The following MYO3B variants were observed in gnomAD, a reference collection of about 807,000 sequenced individuals.
MYO3B encodes the protein myosin-IIIb.
In MYO3B, 156 loss-of-function variants were observed where a neutral mutation model predicts 174.6. The ratio of observed to expected loss-of-function variants is 0.89; its 90% CI spans 0.78 to 1.02. The LOEUF (loss-of-function observed/expected upper bound fraction) is 1.02, where lower values mean the gene tolerates loss of function less well. MYO3B is among the 50% of genes least tolerant of loss of function. The probability of loss-of-function intolerance (pLI) is 0.00; values close to 1 mark genes in which losing one functional copy is unlikely to be tolerated. For missense variants in MYO3B, 1,632 were observed against 1,639.4 expected, an observed-to-expected ratio of 1.00 and a Z score of 0.08; for synonymous variants, 563 against 569.1, an observed-to-expected ratio of 0.99 and a Z score of 0.15.
At chr2:170,233,052 T>G (rs2093031261) in intron 6 of MYO3B, among the ~76,000 whole-genome samples, 1 of 152,230 alleles carries the variant, frequency 6.6e-6, no homozygotes, top group African/African-American at 2.4e-5. Context: ...TTTAGATATG[T>G]TCTTAGAATT....
At chr2:170,526,986 A>G (rs571615393) in intron 30 of MYO3B, among the ~76,000 whole-genome samples, 2 of 152,336 alleles carry the variant, frequency 1.3e-5, no homozygotes, top group South Asian at 4.1e-4. Flanking sequence ...GTGGTTTTCA[A>G]CATGTCTTTT....
intron 32 of MYO3B, among the ~76,000 whole-genome samples, chr2:170,580,396 AG>A (rs1394065020): frequency 6.6e-6 from 1 of 152,158 alleles, no homozygotes; most frequent in African/African-American, 2.4e-5. Flanking sequence ...CCAACGCTTT[AG>A]GAGGTCGAAG....
At chr2:170,380,201 G>A (rs1462431431) in intron 9 of MYO3B, among the ~76,000 whole-genome samples, 1 of 152,194 alleles carries the variant, frequency 6.6e-6, no homozygotes, top group Non-Finnish European at 1.5e-5. Flanking sequence ...AAGAAGTTAT[G>A]CTTCTGGGCT....
chr2:170,495,242 G>T lies in MYO3B; in HGVS notation c.3015-3350G>T, dbSNP rs529089751. Among the ~76,000 whole-genome samples, 6 of 152,284 alleles carry T rather than the reference G, an allele frequency of 3.9e-5. No individual in the cohort carries two copies. The East Asian group carries it at 1.2e-3, about 29-fold the overall frequency. Reference sequence around the variant, plus strand: ...CCTTCCTGATGGACCTCTTGGCTTGGTTCCTTTCAGCTTAGCCTTTACATT... The same window carrying T: ...CCTTCCTGATGGACCTCTTGGCTTGTTTCCTTTCAGCTTAGCCTTTACATT... On this transcript the variant is annotated intron_variant, in intron 25 of 34. Coordinates refer to ENST00000408978, the MANE Select transcript of MYO3B (RefSeq NM_138995.5).
At chr2:170,565,480 C>T (rs988586470) in intron 32 of MYO3B, among the ~76,000 whole-genome samples, 4 of 152,064 alleles carry the variant, frequency 2.6e-5, no homozygotes, top group Admixed American at 6.5e-5. Flanking sequence ...AAGTGTTTGC[C>T]GAATGATGAA....
intron 8 of MYO3B, chr2:170,346,332 T>C (rs2094015644): frequency 6.6e-6 from 1 of 152,228 alleles, no homozygotes; most frequent in African/African-American, 2.4e-5. Context: ...TCATCAGCTA[T>C]TGTTAGTGTA....
At chr2:170,203,503 G>A (rs905159513) in intron 3 of MYO3B, among the ~76,000 whole-genome samples, 5 of 141,050 alleles carry the variant, frequency 3.5e-5, no homozygotes, top group Non-Finnish European at 6.1e-5. Flanking sequence ...GGCGGCGGGG[G>A]GGGGAGGGAG....
chr2:170,289,844 T>C (rs571214324), intron 7 of MYO3B, among the ~76,000 whole-genome samples: 38 of 152,116 alleles, frequency 2.5e-4, no homozygotes, highest in Non-Finnish European at 5.0e-4. Context: ...CTGCTATACA[T>C]TTCCCTCTTA....
chr2:170,620,754 A>G (rs866315002), intron 32 of MYO3B, among the ~76,000 whole-genome samples: 1 of 152,234 alleles, frequency 6.6e-6, no homozygotes, highest in South Asian at 2.1e-4. Flanking sequence ...CAGTCTCGTA[A>G]CAGGCTGCAG....
At chr2:170,188,596 A>G (rs540886095) in intron 1 of MYO3B, among the ~76,000 whole-genome samples, 26 of 150,760 alleles carry the variant, frequency 1.7e-4, no homozygotes, top group African/African-American at 5.8e-4. Flanking sequence ...GTATGTTTTG[A>G]TTACTTGCTT....
chr2:170,360,047 T>C (rs1426691749), intron 8 of MYO3B, among the ~76,000 whole-genome samples: 1 of 152,224 alleles, frequency 6.6e-6, no homozygotes, highest in Non-Finnish European at 1.5e-5. Flanking sequence ...TGGATGAATA[T>C]AATGTCTTCT....
intron 7 of MYO3B, among the ~76,000 whole-genome samples, chr2:170,318,300 A>G (rs2093789961): frequency 6.6e-6 from 1 of 152,212 alleles, no homozygotes; most frequent in African/African-American, 2.4e-5. Flanking sequence ...TTACTTCACC[A>G]GGGTTTGTCT....
At chr2:170,647,149 T>C (rs1227152934) in intron 32 of MYO3B, among the ~76,000 whole-genome samples, 1 of 152,200 alleles carries the variant, frequency 6.6e-6, no homozygotes, top group Non-Finnish European at 1.5e-5. Context: ...CTCGAATTTA[T>C]TGTGGCCTGT....
At chr2:170,270,960 G>C (rs1010753826) in intron 7 of MYO3B, among the ~76,000 whole-genome samples, 2 of 152,166 alleles carry the variant, frequency 1.3e-5, no homozygotes, top group Admixed American at 1.3e-4. Flanking sequence ...CCATGGAGTT[G>C]GGTAACACTT....
chr2:170,504,301 A>G (rs1473184135), intron 28 of MYO3B, among the ~76,000 whole-genome samples: 1 of 152,176 alleles, frequency 6.6e-6, no homozygotes, highest in Non-Finnish European at 1.5e-5. Context: ...GTTCTGGCCC[A>G]TAGTATTTTC....
chr2:170,548,372 T>C (rs551802398), intron 32 of MYO3B, among the ~76,000 whole-genome samples: 33 of 152,182 alleles, frequency 2.2e-4, no homozygotes, highest in Non-Finnish European at 4.0e-4. Flanking sequence ...ACAAACATCC[T>C]AGGAATCTAG....
chr2:170,234,133 T>C (rs1411125979), intron 6 of MYO3B, among the ~76,000 whole-genome samples: 1 of 120,412 alleles, frequency 8.3e-6, no homozygotes, highest in African/African-American at 3.1e-5. Flanking sequence ...ATCCCGCCAC[T>C]GCACTCCAGC....
At chr2:170,462,058 A>G (rs990057850) in intron 23 of MYO3B, among the ~76,000 whole-genome samples, 6 of 152,214 alleles carry the variant, frequency 3.9e-5, no homozygotes, top group Admixed American at 3.9e-4. Flanking sequence ...CGGAGAGAGT[A>G]TAACACGCTC....
At chr2:170,198,612 A>G (rs753921041) in intron 1 of MYO3B, among the ~76,000 whole-genome samples, 5 of 152,232 alleles carry the variant, frequency 3.3e-5, no homozygotes, top group Non-Finnish European at 7.3e-5. Flanking sequence ...GGGACTGACT[A>G]TATTTCAGTA....
Sources: gnomAD v4.1 joint callset for allele counts (sites outside exome capture counted in the v4.1 genomes callset) on GRCh38, gnomAD v4.1.1 for gene constraint, MANE v1.5 for transcripts, NCBI Gene and HGNC (gene_info 2026-07-23, HGNC 2026-07-21) for gene names.